Variants in NTRK1 observed in about 807,000 individuals in gnomAD.
NTRK1 encodes the protein neurotrophic receptor tyrosine kinase 1, also known as high affinity nerve growth factor receptor.
In NTRK1, 62 loss-of-function variants were observed where a neutral mutation model predicts 86.8. That is an observed-to-expected ratio of 0.71 (90% confidence interval 0.58 to 0.88). The LOEUF is 0.88. Among genes scored for constraint, NTRK1 ranks in the 40% least tolerant of loss-of-function variants. The pLI, the probability that NTRK1 is intolerant of heterozygous loss-of-function variation, is 0.00. For missense variants in NTRK1, 967 were observed against 1,078.4 expected (o/e 0.90, Z 1.45); for synonymous variants, 469 against 456.6 (o/e 1.03, Z -0.35).
At position 156,844,485 on chromosome 1, in the gene NTRK1, A is replaced by G; in HGVS notation, c.50+2292A>G. 3.7e-6 allele frequency: 6 copies of G among 1,614,022 alleles called. No homozygotes were observed. In the South Asian group the frequency reaches 6.6e-5, roughly 18 times the overall value. The stretch of plus-strand genomic sequence containing the variant: ...ACCTGGGCCAAGGATGTAGAAGGCA[A>G]CACTGTCTGTCCAAGAGCCATTGCC... On this transcript the variant is annotated intron_variant, in intron 2 of 16. Coordinates refer to the NTRK1 transcript ENST00000392302.
chr1:156,880,704 G>A (rs990225597), intron 16 of NTRK1, among the ~76,000 whole-genome samples: 2 of 152,184 alleles, frequency 1.3e-5, no homozygotes, highest in Non-Finnish European at 2.9e-5. Flanking sequence ...TCTGCTCCCC[G>A]GAGGCTGGTG....
intron 2 of NTRK1, among the ~76,000 whole-genome samples, chr1:156,853,230 G>C (rs1655288887): frequency 6.6e-6 from 1 of 152,092 alleles, no homozygotes. Context: ...AGCTGACCCT[G>C]GATCACTGTG....
At chr1:156,877,140 C>T (rs1647969984) in intron 14 of NTRK1, among the ~76,000 whole-genome samples, 2 of 152,200 alleles carry the variant, frequency 1.3e-5, no homozygotes, top group Non-Finnish European at 2.9e-5. Context: ...CCCGCCTTAG[C>T]CTCCCCAGTA....
chr1:156,859,727 G>A (rs928809367), upstream of NTRK1, among the ~76,000 whole-genome samples: 2 of 152,296 alleles, frequency 1.3e-5, no homozygotes, highest in Admixed American at 6.5e-5. This position sits in a 1 kb window ranked among gnomAD's most constrained non-coding sequence, Gnocchi z 6.2. Flanking sequence ...CTGTCTCGGG[G>A]ACTTGGGGGG....
Position 156,849,155 on chromosome 1 carries a change from CAG to C in NTRK1, c.50+6965_50+6966del, listed in dbSNP as rs1655114817. 4.4e-6 allele frequency: 7 copies of C among 1,600,406 alleles called. No individual in the cohort carries two copies. In the Admixed American group the frequency reaches 5.0e-5, roughly 11 times the overall value. ...AGTGAGACCTCTGAGGAGAACTTCT[CAG>C]AGTGTCCCCCTCGAGCTTTCTCCCT... is the stretch of plus-strand genomic sequence containing the variant. On this transcript the variant is annotated intron_variant, in intron 2 of 16. Coordinates refer to the NTRK1 transcript ENST00000392302.
rs544122241 is a variant in NTRK1, at chr1:156,847,783, G to C, written c.50+5590G>C. Among the ~76,000 whole-genome samples, 34 of 152,268 alleles carry C rather than the reference G, an allele frequency of 2.2e-4. No individual in the cohort carries two copies. The South Asian group carries it at 6.8e-3, about 31-fold the overall frequency. ...GGATTGGGCAGGATCTGCAGTGTGT[G>C]TCTCTGAGGGAGCATAGCTGCAGCC... On this transcript the variant is annotated intron_variant, in intron 2 of 16. Coordinates refer to the NTRK1 transcript ENST00000392302.
chr1:156,839,553 G>A (rs1654700078), intron 1 of NTRK1, among the ~76,000 whole-genome samples: 1 of 152,218 alleles, frequency 6.6e-6, no homozygotes, highest in Admixed American at 6.5e-5. Context: ...TGAACACTGA[G>A]ATTCTGGCCT....
At chr1:156,823,979 G>A (rs1228437095) in intron 1 of NTRK1, among the ~76,000 whole-genome samples, 1 of 152,240 alleles carries the variant, frequency 6.6e-6, no homozygotes, top group Non-Finnish European at 1.5e-5. Context: ...AGGCCCATCT[G>A]CCAGTGCTGG....
In NTRK1 at chr1:156,861,120, G is replaced by T; in HGVS notation, c.186G>T (p.Leu62=). 1 of 1,581,602 alleles carries T rather than the reference G, an allele frequency of 6.3e-7. No homozygotes were observed. Residue 62 remains leucine (L), a synonymous_variant, in exon 1 of 17, where the codon CTG becomes CTT. Transcript: ENST00000524377. The stretch of plus-strand genomic sequence containing the variant: ...GGGCCCTGGATAGCCTCCACCACCT[G>T]CCCGGCGCAGAGAACCTGACTGAGC... The part of the protein sequence containing the change: ...RDGALDSLHH[L]PGAENLTELY...
chr1:156,844,608 C>T, intron 2 of NTRK1: 1 of 1,614,162 alleles, frequency 6.2e-7, no homozygotes, highest in Non-Finnish European at 8.5e-7. Context: ...ACGGGACACA[C>T]ACAGCACTGT....
chr1:156,846,462 C>T, intron 2 of NTRK1: 1 of 1,393,988 alleles, frequency 7.2e-7, no homozygotes, highest in Non-Finnish European at 1.0e-6. Flanking sequence ...TGCCTGTGCT[C>T]CCCTGTTCTC....
rs376720827 is a variant in NTRK1, at chr1:156,842,100, C to G, written c.-44C>G. The G allele has an allele frequency of 3.7e-6, 6 of 1,613,740 alleles. No homozygotes were observed. In the African/African-American group the frequency reaches 8.0e-5, roughly 22 times the overall value. On this transcript the variant is annotated 5_prime_UTR_variant, in exon 2 of 17. Coordinates refer to the NTRK1 transcript ENST00000392302. ...TTTCAGGCCGCCCTCATCTGCCTGGCACCCTCTGTACCCCCGATCTTGACG... is the reference window on the plus strand; with the variant it reads ...TTTCAGGCCGCCCTCATCTGCCTGGGACCCTCTGTACCCCCGATCTTGACG...
At chr1:156,853,404 C>T (rs1655296220) in intron 2 of NTRK1, among the ~76,000 whole-genome samples, 1 of 152,208 alleles carries the variant, frequency 6.6e-6, no homozygotes, top group African/African-American at 2.4e-5. Context: ...AGTGGTAGAG[C>T]TGAGACTTGA....
At position 156,871,751 on chromosome 1, in the gene NTRK1, C is replaced by G. The variant is rs768096430; in HGVS notation, c.846C>G (p.Val282=). ...CAGAGGTCTCTGTTCAGGTCAACGT[C>G]TCCTGTGAGTCTCAGTGGCAGCTCC... The part of the protein sequence containing the change: ...GRAEVSVQVN[V]SFPASVQLHT... The change falls in exon 7 of 17, where the codon GTC becomes GTG. Residue 282 remains valine (V), a synonymous_variant. Coordinates refer to ENST00000524377, the MANE Select transcript of NTRK1 (RefSeq NM_002529.4). 4.2e-5 allele frequency: 68 copies of G among 1,614,070 alleles called. No homozygotes were observed. The highest frequency in any genetic ancestry group is 4.2e-6 in the Non-Finnish European group (5 of 1,180,038).
chr1:156,872,610 T>C (rs2102902359), intron 7 of NTRK1, among the ~76,000 whole-genome samples: 1 of 151,748 alleles, frequency 6.6e-6, no homozygotes, highest in East Asian at 1.9e-4. Flanking sequence ...TATATACATA[T>C]ATTTATGCAT....
intron 1 of NTRK1, among the ~76,000 whole-genome samples, chr1:156,831,879 T>A (rs139179635): frequency 1.8e-4 from 28 of 152,096 alleles, no homozygotes; most frequent in African/African-American, 6.5e-4. Context: ...CGTGGCTGAG[T>A]ATAGACTTGG....
At chr1:156,832,885 C>T (rs573641455) in intron 1 of NTRK1, among the ~76,000 whole-genome samples, 2 of 152,256 alleles carry the variant, frequency 1.3e-5, no homozygotes, top group Admixed American at 6.5e-5. Flanking sequence ...TCCCAGCAGA[C>T]AGCATGCCCC....
At chr1:156,867,034 A>C (rs1655968416) in intron 4 of NTRK1, 56 bp downstream of exon 4, 2 of 1,571,758 alleles carry the variant, frequency 1.3e-6, no homozygotes, top group Admixed American at 1.7e-5. Context: ...GCCTGTGTGC[A>C]CTTGGGTCTG....
chr1:156,844,840 T>C, intron 2 of NTRK1: 2 of 1,613,760 alleles, frequency 1.2e-6, no homozygotes, highest in Non-Finnish European at 1.7e-6. Context: ...ACCATCAGCC[T>C]CTCCTGCGGG....
Sources: gnomAD v4.1 joint callset for allele counts (sites outside exome capture counted in the v4.1 genomes callset) on GRCh38, gnomAD v4.1.1 for gene constraint, Gnocchi (gnomAD v3.1) non-coding constraint, MANE v1.5 for transcripts, NCBI Gene and HGNC (gene_info 2026-07-23, HGNC 2026-07-21) for gene names.